FLNA: variants seen among roughly 807,000 people sequenced by gnomAD.
FLNA encodes filamin-A.
In FLNA, 7 loss-of-function variants were observed where a neutral mutation model predicts 157.6. The ratio of observed to expected loss-of-function variants is 0.04; its 90% CI spans 0.03 to 0.08. The LOEUF (loss-of-function observed/expected upper bound fraction) is 0.08. Ranked by LOEUF, FLNA falls within the 10% of genes least tolerant of loss-of-function variation. The pLI is 1.00. For synonymous variants in FLNA, 1,103 were observed against 1,060.8 expected (o/e 1.04, Z -0.77); for missense variants, 1,750 against 2,398.4 (o/e 0.73, Z 5.65).
intron 47 of FLNA, 23 bp downstream of exon 47, chrX:154,349,339 G>A: frequency 8.4e-7 from 1 of 1,197,265 alleles, no homozygotes; most frequent in South Asian, 1.8e-5. Context: ...TGGGAAGGTG[G>A]GCCGGGGGCC....
At chrX:154,369,896 G>T (rs2067792259) in intron 2 of FLNA, among the ~76,000 whole-genome samples, 1 of 112,357 alleles carries the variant, frequency 8.9e-6, no homozygotes, top group African/African-American at 3.2e-5. Flanking sequence ...TTCAGCAAGG[G>T]CCATTCCAGG....
chrX:154,367,882 G>A lies in FLNA; in HGVS notation c.582C>T (p.Ser194=), dbSNP rs1400462134. Residue 194 remains serine (S), a synonymous_variant, in exon 3 of 48, where the codon AGC becomes AGT. Transcript: ENST00000369850. ...CCACCAGGGCGCCCAGGGCCCGGCC[G>A]CTCTGCCAGTCCCGGCTGAAGTTGG... ...PITNFSRDWQ[S]GRALGALVDS... is the part of the protein sequence containing the mutation. The A allele has an allele frequency of 4.1e-6, 5 of 1,211,009 alleles. No individual in the cohort carries two copies. Among genetic ancestry groups the A allele is most frequent in the South Asian group, 1.8e-5 (1 of 57,022 alleles).
At chrX:154,363,854 A>G (rs192468080) in intron 15 of FLNA, among the ~76,000 whole-genome samples, 168 bp downstream of exon 15, 1 of 112,822 alleles carries the variant, frequency 8.9e-6, no homozygotes, top group African/African-American at 3.2e-5. Flanking sequence ...TTCCATCTAT[A>G]GAACATGTCC....
chrX:154,348,790 C>T lies in FLNA; in HGVS notation c.*59G>A, dbSNP rs782629295. ...TGGGCCGGGGTTGAGGGGAAGAGGG[C>T]GGGGCTGCTTGGGTAGCGGGGCAGG... On this transcript the variant is annotated 3_prime_UTR_variant, in exon 48 of 48. Coordinates refer to ENST00000369850, the MANE Select transcript of FLNA (RefSeq NM_001110556.2). 240 of 1,102,211 alleles carry T rather than the reference C, an allele frequency of 2.2e-4. No homozygotes were observed. In the African/African-American group the frequency reaches 4.0e-3, roughly 18 times the overall value. The allele number at this position is 1,102,211 out of a possible 1,213,427, so 90.8% of individuals were successfully genotyped here.
chrX:154,370,785 G>C, intron 2 of FLNA, 88 bp downstream of exon 2: 1 of 1,007,394 alleles, frequency 9.9e-7, no homozygotes, highest in Non-Finnish European at 1.4e-6. Flanking sequence ...GCCCGGAAGG[G>C]GGTGGTTTGG....
In FLNA at chrX:154,351,932, C is replaced by T; in HGVS notation, c.6859G>A (p.Asp2287Asn). The T allele has an allele frequency of 8.3e-7, 1 of 1,211,875 alleles. No homozygotes were observed. The highest frequency in any genetic ancestry group is 1.1e-6 in the Non-Finnish European group (1 of 895,528). ...GPSKAEISFEDRKDGSCGVAY... is the reference protein window; with the variant it reads ...GPSKAEISFENRKDGSCGVAY... ...ACACCACAGGAGCCGTCCTTGCGGTCCTCAAAAGAGATCTCAGCCTTGCTG... is the reference window on the plus strand; with the variant it reads ...ACACCACAGGAGCCGTCCTTGCGGTTCTCAAAAGAGATCTCAGCCTTGCTG... The change falls in exon 42 of 48, where the codon GAC becomes AAC. Residue 2287 changes from aspartate to asparagine, a missense_variant. Around this residue, in one of 5 missense-constraint regions of FLNA, gnomAD observed 970 missense variants for 1,302.6 expected, o/e 0.74. Coordinates refer to ENST00000369850, the MANE Select transcript of FLNA (RefSeq NM_001110556.2).
Position 154,349,919 on chromosome X carries a change from C to T in FLNA, c.7334-52G>A, listed in dbSNP as rs782346151. On this transcript the variant is annotated intron_variant, in intron 45 of 47. Coordinates refer to ENST00000369850, the MANE Select transcript of FLNA (RefSeq NM_001110556.2). ...CCAGACTGGCCTGCCTCCCTGTCCTCGGCCACCCAGCACAGGCTTGTCACC... is the reference window on the plus strand; with the variant it reads ...CCAGACTGGCCTGCCTCCCTGTCCTTGGCCACCCAGCACAGGCTTGTCACC... 3.3e-5 allele frequency: 39 copies of T among 1,184,295 alleles called. No homozygotes were observed. In the East Asian group the frequency reaches 7.4e-4, roughly 23 times the overall value.
intron 35 of FLNA, 68 bp from the exon 36 acceptor site, chrX:154,353,795 C>T: frequency 1.7e-6 from 2 of 1,192,629 alleles, no homozygotes; most frequent in Non-Finnish European, 2.3e-6. Flanking sequence ...CACTGAGGAG[C>T]TCCGATGGCC....
At chrX:154,363,976 G>A (rs2067734305) in intron 15 of FLNA, 46 bp downstream of exon 15, 3 of 1,191,369 alleles carry the variant, frequency 2.5e-6, no homozygotes, top group Middle Eastern at 2.3e-4. Context: ...CGTGTGCTAC[G>A]TGAATGCTAT....
At position 154,359,582 on chromosome X, in the gene FLNA, G is replaced by A. The variant is rs782525345; in HGVS notation, c.4044C>T (p.Pro1348=). The A allele has an allele frequency of 3.8e-5, 46 of 1,209,220 alleles. No homozygotes were observed. The highest frequency in any genetic ancestry group is 8.7e-5 in the Admixed American group (4 of 45,904). ...SPVPSSPFQV[P]VTEGCDPSRV... ...GGGAGGGGTCGCAGCCCTCGGTCAC[G>A]GGCACCTGGAAGGGGCTGCTGGGCA... The change falls in exon 24 of 48, where the codon CCC becomes CCT. Residue 1348 remains proline (P), a synonymous_variant. Transcript: ENST00000369850.
At chrX:154,356,554 T>TA (rs113792265) in intron 30 of FLNA, among the ~76,000 whole-genome samples, 4,322 of 112,840 alleles carry the variant, frequency 0.038, 183 homozygotes, top group African/African-American at 0.13. Context: ...GTGCCAGGCC[T>TA]GTAGCCTCTC....
intron 43 of FLNA, chrX:154,351,333 T>A: frequency 2.3e-6 from 1 of 438,981 alleles, no homozygotes. Flanking sequence ...ACCGCAGCCC[T>A]GGTGCTCAAG....
rs1557179338 is a variant in FLNA at position 154,366,574 on chromosome X, C to A, written c.1053G>T (p.Thr351=). ...TFSVWYVPEV[T]GTHKVTVLFA... ...GCCAAGGGCTCACCTTATGAGTCCC[C>A]GTCACCTCGGGGACGTACCAGACGG... Residue 351 remains threonine, a synonymous_variant, in exon 7 of 48, where the codon ACG becomes ACT. Coordinates refer to ENST00000369850, the MANE Select transcript of FLNA (RefSeq NM_001110556.2). The A allele has an allele frequency of 1.7e-6, 2 of 1,211,714 alleles. No homozygotes were observed. Among genetic ancestry groups the A allele is most frequent in the Non-Finnish European group, 1.1e-6 (1 of 895,122 alleles).
At chrX:154,366,949 A>G (rs2067766942) in intron 5 of FLNA, 99 bp from the exon 6 acceptor site, 1 of 677,469 alleles carries the variant, frequency 1.5e-6, no homozygotes, top group Non-Finnish European at 2.4e-6. Flanking sequence ...AGTCAGGCAC[A>G]TTCCAAACTG....
chrX:154,365,287 T>C (rs782167041), intron 10 of FLNA, 28 bp from the exon 11 acceptor site: 1 of 1,210,829 alleles, frequency 8.3e-7, no homozygotes, highest in African/African-American at 1.7e-5. Context: ...GCCTCAGGCC[T>C]GCCCAGCAGT....
intron 43 of FLNA, 55 bp from the exon 44 acceptor site, chrX:154,351,096 G>A: frequency 5.1e-6 from 6 of 1,184,506 alleles, no homozygotes; most frequent in East Asian, 3.0e-5. Context: ...GGCAAGGGAG[G>A]ACGGAAAGGC....
chrX:154,374,237 TCG>T (rs2067827090), intron 1 of FLNA, among the ~76,000 whole-genome samples: 1 of 112,432 alleles, frequency 8.9e-6, no homozygotes, highest in African/African-American at 3.2e-5. Context: ...CCTCTCTCTC[TCG>T]GGGACCCCCC....
chrX:154,369,253 A>G (rs997315528), intron 2 of FLNA, among the ~76,000 whole-genome samples: 4 of 111,831 alleles, frequency 3.6e-5, no homozygotes, highest in Admixed American at 9.4e-5. Context: ...ACTCTCCCCA[A>G]ATGGCAGCAG....
chrX:154,367,078 C>T (rs782493899), intron 5 of FLNA, among the ~76,000 whole-genome samples: 2 of 112,172 alleles, frequency 1.8e-5, no homozygotes, highest in Admixed American at 9.4e-5. Flanking sequence ...CGCACTGGGC[C>T]CTTGTTCCTG....
Sources: gnomAD v4.1 joint callset for allele counts (sites outside exome capture counted in the v4.1 genomes callset) on GRCh38, gnomAD v4.1.1 for gene constraint, gnomAD v4.1.1 regional missense constraint, MANE v1.5 for transcripts, NCBI Gene and HGNC (gene_info 2026-07-23, HGNC 2026-07-21) for gene names.